IKBKE: variants seen among roughly 807,000 people sequenced by gnomAD.
The protein encoded by IKBKE is inhibitor of nuclear factor kappa-B kinase subunit epsilon.
A neutral mutation model predicts 92.1 loss-of-function variants in IKBKE; 45 were observed. The observed-to-expected ratio is 0.49, with a 90% CI of 0.38 to 0.63. IKBKE has a LOEUF of 0.63. Among genes scored for constraint, IKBKE ranks in the 20% least tolerant of loss-of-function variants. IKBKE has a pLI of 0.00. For synonymous variants in IKBKE, 374 were observed against 380.3 expected, an observed-to-expected ratio of 0.98 and a Z score of 0.19; for missense variants, 700 against 932.8, an observed-to-expected ratio of 0.75 and a Z score of 3.25.
In IKBKE at chr1:206,478,805, A is replaced by T. The variant is rs540172068; in HGVS notation, c.993-138A>T. On this transcript the variant is annotated intron_variant, in intron 9 of 21. Transcript: ENST00000581977. This position sits in a 1 kb window ranked among gnomAD's most constrained non-coding sequence, Gnocchi z 4.8. ...GGTCTCTCCACCCTTGATGACAGAG[A>T]AAACCACCCCCGTCCCTCCCTCTGC... is the stretch of plus-strand genomic sequence containing the variant. 1 of 720,700 alleles carries T rather than the reference A, an allele frequency of 1.4e-6. No homozygotes were observed. Among genetic ancestry groups the T allele is most frequent in the Non-Finnish European group, 2.5e-6 (1 of 405,582 alleles). The allele number at this position is 720,700 out of a possible 1,614,324, so 44.6% of individuals were successfully genotyped here.
Position 206,476,103 on chromosome 1 carries a change from C to T in IKBKE, c.359-78C>T, listed in dbSNP as rs2103453844. 5 of 1,402,930 alleles carry T rather than the reference C, an allele frequency of 3.6e-6. No individual in the cohort carries two copies. The South Asian group carries it at 6.0e-5, about 17-fold the overall frequency. 86.9% of individuals were successfully genotyped at this position (1,402,930 alleles called of 1,614,324 possible). ...CCTGTCTCTCTGGATGCAAGGACAG[C>T]CTTCCCACCAAGATGAGCCTCAGAC... On this transcript the variant is annotated intron_variant, in intron 5 of 21. Transcript: ENST00000581977. This position sits in a 1 kb window ranked among gnomAD's most constrained non-coding sequence, Gnocchi z 5.1.
intron 13 of IKBKE, among the ~76,000 whole-genome samples, chr1:206,482,088 G>A (rs887389654): frequency 6.6e-6 from 1 of 152,082 alleles, no homozygotes; most frequent in East Asian, 1.9e-4. Context: ...CTAGGATGAG[G>A]CTTTTAAGGC....
chr1:206,482,000 C>T (rs1373373163), intron 13 of IKBKE, among the ~76,000 whole-genome samples: 2 of 151,730 alleles, frequency 1.3e-5, no homozygotes, highest in African/African-American at 2.4e-5. Context: ...GGGATGGTCT[C>T]GATCTCCTGA....
At chr1:206,482,684 GCT>G (rs1665469100) in intron 13 of IKBKE, among the ~76,000 whole-genome samples, 3 of 152,324 alleles carry the variant, frequency 2.0e-5, no homozygotes, top group Admixed American at 2.0e-4. Context: ...TCTGGGTGTG[GCT>G]CCAGCCCATT....
intron 20 of IKBKE, 90 bp downstream of exon 20, chr1:206,493,468 G>A (rs1028047272): frequency 1.0e-6 from 1 of 991,176 alleles, no homozygotes; most frequent in Non-Finnish European, 1.6e-6. Context: ...GAGGGGTTTG[G>A]CGTCATGCCA....
In IKBKE at chr1:206,474,987, C is replaced by T. The variant is rs781814477; in HGVS notation, c.351C>T (p.Arg117=). The change falls in exon 5 of 22, where the codon CGC becomes CGT. Residue 117 remains arginine, a synonymous_variant. Coordinates refer to ENST00000581977, the MANE Select transcript of IKBKE (RefSeq NM_014002.4). Reference sequence around the variant, plus strand: ...AGGATGAGTTCCTGGTGGTGCTGCGCTGTGTGGGTGAGCCCCTCCCTGTCC... The same window carrying T: ...AGGATGAGTTCCTGGTGGTGCTGCGTTGTGTGGGTGAGCCCCTCCCTGTCC... ...LPEDEFLVVL[R]CVVAGMNHLR... 10 of 1,613,928 alleles carry T rather than the reference C, an allele frequency of 6.2e-6. No homozygotes were observed. In the Admixed American group the frequency reaches 1.5e-4, roughly 24 times the overall value.
chr1:206,494,132 C>A, intron 21 of IKBKE, 141 bp downstream of exon 21: 1 of 662,772 alleles, frequency 1.5e-6, no homozygotes, highest in Non-Finnish European at 2.6e-6. Context: ...GAAGCTTAGG[C>A]ATTTTCCACA....
chr1:206,485,216 G>A lies in IKBKE; in HGVS notation c.1526G>A (p.Cys509Tyr), dbSNP rs2103472310. 1 of 1,613,754 alleles carries A rather than the reference G, an allele frequency of 6.2e-7. No individual in the cohort carries two copies. The highest frequency in any genetic ancestry group is 1.1e-5 in the South Asian group (1 of 91,072). ...LRTLAEVLSR[C>Y]SQNITETQES... Reference sequence around the variant, plus strand: ...CAGCTAGCGGAGGTCCTCTCCAGATGCTCCCAAAATATCACGGAGACCCAG... The same window carrying A: ...CAGCTAGCGGAGGTCCTCTCCAGATACTCCCAAAATATCACGGAGACCCAG... Residue 509 changes from cysteine to tyrosine, a missense_variant, in exon 15 of 22, where the codon TGC becomes TAC. Coordinates refer to ENST00000581977, the MANE Select transcript of IKBKE (RefSeq NM_014002.4). The surrounding 1 kb of genome is among the most constrained non-coding windows in gnomAD (Gnocchi z 5.0).
rs1282174331 is a variant in IKBKE at position 206,476,453 on chromosome 1, A to G, written c.540+91A>G. ...GAGCCCCCATGAGGGGGTGTGGCCC[A>G]CCTCCTGCTTCCACAGGAGTTATGT... On this transcript the variant is annotated intron_variant, in intron 6 of 21. Transcript: ENST00000581977. This position sits in a 1 kb window ranked among gnomAD's most constrained non-coding sequence, Gnocchi z 5.1. 3.0e-6 allele frequency: 4 copies of G among 1,341,960 alleles called. No homozygotes were observed. The highest frequency in any genetic ancestry group is 4.2e-6 in the Non-Finnish European group (4 of 961,848). 83.1% of individuals were successfully genotyped at this position (1,341,960 alleles called of 1,614,324 possible).
intron 10 of IKBKE, 76 bp from the exon 11 acceptor site, chr1:206,479,794 T>A: frequency 1.4e-6 from 2 of 1,455,182 alleles, no homozygotes; most frequent in Non-Finnish European, 1.9e-6. Flanking sequence ...GGGGTGAGTG[T>A]GAGCTGGAAA....
At chr1:206,477,715 G>A in intron 7 of IKBKE, 34 bp from the exon 8 acceptor site, 1 of 1,333,622 alleles carries the variant, frequency 7.5e-7, no homozygotes, top group Non-Finnish European at 1.0e-6. Context: ...TGTGATAGCT[G>A]GGGATCCCGC....
chr1:206,476,408 C>G lies in IKBKE; in HGVS notation c.540+46C>G, dbSNP rs782090766. 1 of 1,552,148 alleles carries G rather than the reference C, an allele frequency of 6.4e-7. No homozygotes were observed. The highest frequency in any genetic ancestry group is 8.8e-7 in the Non-Finnish European group (1 of 1,139,600). ...CCGCTGCCCTATGCTGAGGGCTCCC[C>G]TTGCCTTGTGAGCCCCCCAGAGCCC... On this transcript the variant is annotated intron_variant, in intron 6 of 21. Transcript: ENST00000581977. This position sits in a 1 kb window ranked among gnomAD's most constrained non-coding sequence, Gnocchi z 5.1.
rs201784199 is a variant in IKBKE at position 206,489,375 on chromosome 1, A to C, written c.1693+1385A>C. On this transcript the variant is annotated intron_variant, in intron 16 of 21. Coordinates refer to ENST00000581977, the MANE Select transcript of IKBKE (RefSeq NM_014002.4). ...TGTGTGTGTGTGTGTGTGTGTATATATATATATATATATATATATATATAT... is the reference window on the plus strand; with the variant it reads ...TGTGTGTGTGTGTGTGTGTGTATATCTATATATATATATATATATATATAT... Among the ~76,000 whole-genome samples, 140 of 72,980 alleles carry C rather than the reference A, an allele frequency of 1.9e-3. 2 individuals are homozygous for C. The East Asian group carries it at 0.059, about 31-fold the overall frequency. The allele number at this position is 72,980 out of a possible 152,430, so 47.9% of individuals were successfully genotyped here.
At chr1:206,491,954 T>C (rs1665968905) in intron 18 of IKBKE, 1 of 485,802 alleles carries the variant, frequency 2.1e-6, no homozygotes, top group East Asian at 3.8e-5. Context: ...CTACAACACC[T>C]GCCCTATACA....
In IKBKE at chr1:206,477,772, C is replaced by A. The variant is rs781821296; in HGVS notation, c.725C>A (p.Pro242Gln). The A allele has an allele frequency of 1.3e-6, 2 of 1,566,710 alleles. No individual in the cohort carries two copies. The highest frequency in any genetic ancestry group is 8.7e-7 in the Non-Finnish European group (1 of 1,155,924). Residue 242 changes from proline (P) to glutamine (Q), a missense_variant, in exon 8 of 22, where the codon CCG becomes CAG. By Grantham distance (76) the Pro-to-Gln change is moderately conservative. Transcript: ENST00000581977. ...EIMYRITTEK[P>Q]AGAIAGAQRR... ...AGGTACCGGATCACCACGGAGAAGCCGGCTGGGGCCATTGCAGGTGCCCAG... is the reference window on the plus strand; with the variant it reads ...AGGTACCGGATCACCACGGAGAAGCAGGCTGGGGCCATTGCAGGTGCCCAG...
intron 13 of IKBKE, 22 bp downstream of exon 13, chr1:206,480,555 G>T: frequency 6.4e-7 from 1 of 1,571,996 alleles, no homozygotes; most frequent in Non-Finnish European, 8.7e-7. Context: ...CCTCAGGCCA[G>T]CTGGGACCTC....
At chr1:206,494,378 C>T (rs1264256421) in intron 21 of IKBKE, among the ~76,000 whole-genome samples, 1 of 152,134 alleles carries the variant, frequency 6.6e-6, no homozygotes, top group African/African-American at 2.4e-5. Flanking sequence ...ACAGCGCAGA[C>T]ACCTTGGATA....
intron 20 of IKBKE, 150 bp from the exon 21 acceptor site, chr1:206,493,770 A>G (rs41299872): frequency 0.036 from 21,815 of 614,100 alleles, 1,347 homozygotes; most frequent in African/African-American, 0.2. Context: ...GCCTGGGCAA[A>G]GGAGCAAGAC....
At position 206,485,141 on chromosome 1, in the gene IKBKE, C is replaced by T. The variant is rs1665585386; in HGVS notation, c.1504-53C>T. 4.4e-6 allele frequency: 7 copies of T among 1,576,714 alleles called. No homozygotes were observed. In the East Asian group the frequency reaches 1.3e-4, roughly 30 times the overall value. On this transcript the variant is annotated intron_variant, in intron 14 of 21. Transcript: ENST00000581977. The surrounding 1 kb of genome is among the most constrained non-coding windows in gnomAD (Gnocchi z 5.0). ...GGGGCCCGTGTTCCAGCCAGCCTGCCCACCAGTGCCCAGGCTGAAGACCCC... is the reference window on the plus strand; with the variant it reads ...GGGGCCCGTGTTCCAGCCAGCCTGCTCACCAGTGCCCAGGCTGAAGACCCC...
Sources: allele counts gnomAD v4.1 joint callset (sites outside exome capture counted in the v4.1 genomes callset), GRCh38; gene constraint gnomAD v4.1.1; non-coding constraint Gnocchi (gnomAD v3.1); transcripts MANE v1.5; gene names NCBI Gene and HGNC (gene_info 2026-07-23, HGNC 2026-07-21).